Variants in ASRGL1 observed in about 807,000 individuals in gnomAD.
The protein encoded by ASRGL1 is asparaginase and isoaspartyl peptidase 1, also known as isoaspartyl peptidase/L-asparaginase.
In ASRGL1, 16 loss-of-function variants were observed where a neutral mutation model predicts 22.4. That is an observed-to-expected ratio of 0.71 (90% confidence interval 0.48 to 1.08). The LOEUF is 1.08. Among genes scored for constraint, ASRGL1 ranks in the 50% least tolerant of loss-of-function variants. ASRGL1 has a pLI of 0.00. For synonymous variants in ASRGL1, 165 were observed against 159.3 expected (o/e 1.04, Z -0.27); for missense variants, 412 against 410.1 (o/e 1.00, Z -0.04).
At chr11:62,372,001 C>T in intron 4 of ASRGL1, 1 of 684,208 alleles carries the variant, frequency 1.5e-6, no homozygotes, top group Non-Finnish European at 2.7e-6. Context: ...CTGCGTACGG[C>T]AATATCCGTC....
chr11:62,381,892 C>A (rs1434477587), intron 4 of ASRGL1: 1 of 153,028 alleles, frequency 6.5e-6, no homozygotes, highest in South Asian at 1.8e-4. Context: ...TCTAGCTCAC[C>A]TTCACCCTAG....
chr11:62,396,145 C>T (rs1297256936), downstream of ASRGL1, among the ~76,000 whole-genome samples: 3 of 151,952 alleles, frequency 2.0e-5, no homozygotes, highest in Non-Finnish European at 4.4e-5. Context: ...GTGTCCTCTC[C>T]CTTTTGCATA....
In ASRGL1 at chr11:62,393,012, T is replaced by C. The variant is rs951335644; in HGVS notation, c.*728T>C. ...TGGGTTCACAGAGGAGCCCCCTCACTTGGTGTTCTCCCGTGAGCCAGCCTC... is the reference window on the plus strand; with the variant it reads ...TGGGTTCACAGAGGAGCCCCCTCACCTGGTGTTCTCCCGTGAGCCAGCCTC... On this transcript the variant is annotated 3_prime_UTR_variant, in exon 7 of 7. Coordinates refer to ENST00000415229, the MANE Select transcript of ASRGL1 (RefSeq NM_001083926.2). 1.3e-5 allele frequency: 2 copies of C among 152,376 alleles called. No individual in the cohort carries two copies. Among genetic ancestry groups the C allele is most frequent in the African/African-American group, 4.8e-5 (2 of 41,440 alleles). The allele number at this position is 152,376 out of a possible 1,614,324, so 9.4% of individuals were successfully genotyped here. A position where few individuals can be genotyped will look rare whatever the true frequency, so the allele number is the denominator to read the frequency against.
intron 2 of ASRGL1, among the ~76,000 whole-genome samples, chr11:62,340,875 G>C (rs950035032): frequency 3.3e-5 from 5 of 152,174 alleles, no homozygotes; most frequent in Non-Finnish European, 7.3e-5. Flanking sequence ...AGTAGGTATT[G>C]AGTTCAGTGG....
At chr11:62,397,654 A>C (rs1289315895), downstream of ASRGL1, among the ~76,000 whole-genome samples, 1 of 137,326 alleles carries the variant, frequency 7.3e-6, no homozygotes, top group East Asian at 2.1e-4. Flanking sequence ...ACAAGAATCA[A>C]ACTCCGTCTC....
intron 4 of ASRGL1, among the ~76,000 whole-genome samples, chr11:62,388,537 G>T (rs371749478): frequency 1.3e-5 from 2 of 152,148 alleles, no homozygotes; most frequent in Middle Eastern, 3.4e-3. Flanking sequence ...AGGTGTGGTG[G>T]TGCATGCCTG....
At chr11:62,372,101 C>T in intron 4 of ASRGL1, 1 of 780,120 alleles carries the variant, frequency 1.3e-6, no homozygotes, top group Non-Finnish European at 2.3e-6. Flanking sequence ...ACACAGCCTC[C>T]TCATCACCAC....
At chr11:62,338,221 C>T in intron 2 of ASRGL1, 54 bp downstream of exon 2, 2 of 1,443,648 alleles carry the variant, frequency 1.4e-6, no homozygotes, top group Non-Finnish European at 1.8e-6. Context: ...GCTCCTTCTT[C>T]AGAATAAATA....
At chr11:62,351,916 C>T (rs1040423246) in intron 2 of ASRGL1, among the ~76,000 whole-genome samples, 1 of 152,198 alleles carries the variant, frequency 6.6e-6, no homozygotes, top group Non-Finnish European at 1.5e-5. Context: ...TCAAGCACTT[C>T]TCTTACCTTG....
rs1217169252 is a variant in ASRGL1 at position 62,371,639 on chromosome 11, A to C, written c.491+14495A>C. On this transcript the variant is annotated intron_variant, in intron 4 of 6. Coordinates refer to ENST00000415229, the MANE Select transcript of ASRGL1 (RefSeq NM_001083926.2). ...TTGATTTTGGGGGCAACCAACTGGG[A>C]CTTGATTGGTCGAAAATAAGTGCCT... is the stretch of plus-strand genomic sequence containing the variant. The C allele has an allele frequency of 4.6e-6, 3 of 645,424 alleles. No individual in the cohort carries two copies. In the Admixed American group the frequency reaches 5.5e-5, roughly 12 times the overall value. The allele number at this position is 645,424 out of a possible 1,614,324, so 40.0% of individuals were successfully genotyped here.
At chr11:62,369,402 A>G (rs571868244) in intron 4 of ASRGL1, among the ~76,000 whole-genome samples, 175 of 152,150 alleles carry the variant, frequency 1.2e-3, no homozygotes, top group African/African-American at 3.9e-3. Flanking sequence ...TCTTATGTCT[A>G]CTTCTTTCTA....
intron 4 of ASRGL1, among the ~76,000 whole-genome samples, chr11:62,385,702 TAA>T (rs35684001): frequency 0.27 from 41,217 of 151,680 alleles, 5,660 homozygotes; most frequent in South Asian, 0.36. Context: ...CCGTCTCTAC[TAA>T]AAATACAAAA....
chr11:62,379,978 CTGT>C (rs954876302), intron 4 of ASRGL1, among the ~76,000 whole-genome samples: 12 of 151,976 alleles, frequency 7.9e-5, no homozygotes, highest in South Asian at 2.1e-4. Flanking sequence ...GGCTCTTTAT[CTGT>C]TGTTGTTGTA....
rs950182002 is a variant in ASRGL1, at chr11:62,391,891, C to T, written c.722-188C>T. ...GAGCCTGGATGTGGGAGGGAAGACCCCTCTGCTCAGGCTGATGCTAGGGCG... is the reference window on the plus strand; with the variant it reads ...GAGCCTGGATGTGGGAGGGAAGACCTCTCTGCTCAGGCTGATGCTAGGGCG... On this transcript the variant is annotated intron_variant, in intron 6 of 6. Coordinates refer to ENST00000415229, the MANE Select transcript of ASRGL1 (RefSeq NM_001083926.2). 3 of 757,798 alleles carry T rather than the reference C, an allele frequency of 4.0e-6. No homozygotes were observed. In the African/African-American group the frequency reaches 5.3e-5, roughly 13 times the overall value. 46.9% of individuals were successfully genotyped at this position (757,798 alleles called of 1,614,324 possible). A position where few individuals can be genotyped will look rare whatever the true frequency, so the allele number is the denominator to read the frequency against.
chr11:62,394,269 T>G (rs946853542), downstream of ASRGL1, among the ~76,000 whole-genome samples: 1 of 142,878 alleles, frequency 7.0e-6, no homozygotes, highest in African/African-American at 2.6e-5. Context: ...ATATACTATA[T>G]ATTATATATC....
At chr11:62,342,849 GTAGACGTGGATA>G (rs749302600) in intron 2 of ASRGL1, among the ~76,000 whole-genome samples, 17 of 152,056 alleles carry the variant, frequency 1.1e-4, no homozygotes, top group Non-Finnish European at 2.5e-4. Flanking sequence ...TGTTACCCGT[GTAGACGTGGATA>G]TCAGTAGTTT....
intron 4 of ASRGL1, among the ~76,000 whole-genome samples, chr11:62,384,907 G>A (rs1226654334): frequency 1.5e-5 from 2 of 131,448 alleles, no homozygotes; most frequent in African/African-American, 2.9e-5. Context: ...CACAGAGCAA[G>A]ACTGTCTCAA....
intron 4 of ASRGL1, chr11:62,382,497 A>G (rs1167146271): frequency 6.6e-6 from 1 of 151,972 alleles, no homozygotes; most frequent in African/African-American, 2.4e-5. Context: ...TCCAGCCCTA[A>G]GGCTGTTTTC....
chr11:62,380,980 CT>C (rs2134681499), intron 4 of ASRGL1, among the ~76,000 whole-genome samples: 1 of 152,266 alleles, frequency 6.6e-6, no homozygotes, highest in African/African-American at 2.4e-5. Context: ...CTATAGCGCC[CT>C]GCCCTGTGGT....
Sources: allele counts gnomAD v4.1 joint callset (sites outside exome capture counted in the v4.1 genomes callset), GRCh38; gene constraint gnomAD v4.1.1; transcripts MANE v1.5; gene names NCBI Gene and HGNC (gene_info 2026-07-23, HGNC 2026-07-21).